LOC400499: variants seen among roughly 807,000 people sequenced by gnomAD.
chr16:11,403,110 C>T, the LOC400499 span, among the ~76,000 whole-genome samples: 1 of 152,156 alleles, frequency 6.6e-6, no homozygotes, highest in African/African-American at 2.4e-5. Flanking sequence ...CTCCTGAGGC[C>T]CCTGAGCAGC....
At chr16:11,456,297 C>A in the LOC400499 span, among the ~76,000 whole-genome samples, 9 of 152,186 alleles carry the variant, frequency 5.9e-5, no homozygotes, top group African/African-American at 2.2e-4. Context: ...CGCCCCCACA[C>A]CCAGCCTCCT....
the LOC400499 span, among the ~76,000 whole-genome samples, chr16:11,501,539 T>C: frequency 6.6e-6 from 1 of 152,010 alleles, no homozygotes; most frequent in East Asian, 1.9e-4. Context: ...AAATTTTTTG[T>C]AGAGATGGGG....
At chr16:11,487,151 T>C in the LOC400499 span, 4 of 396,818 alleles carry the variant, frequency 1.0e-5, no homozygotes, top group Admixed American at 8.8e-5. Flanking sequence ...GGGGAGGAGA[T>C]TGAACAATGG....
At chr16:11,487,006 TGGATGGAC>T in the LOC400499 span, among the ~76,000 whole-genome samples, 1 of 150,366 alleles carries the variant, frequency 6.7e-6, no homozygotes, top group Non-Finnish European at 1.5e-5. Context: ...GGGATGTGCG[TGGATGGAC>T]GGATGGACAG....
chr16:11,511,033 T>G, the LOC400499 span, among the ~76,000 whole-genome samples: 3 of 150,818 alleles, frequency 2.0e-5, no homozygotes, highest in African/African-American at 7.4e-5. Flanking sequence ...GGTCTCACTC[T>G]GTCGCCAGGC....
At chr16:11,500,150 C>T in the LOC400499 span, among the ~76,000 whole-genome samples, 1 of 152,180 alleles carries the variant, frequency 6.6e-6, no homozygotes. Context: ...AACCACTTCA[C>T]ACACAGCATT....
chr16:11,486,016 T>C, the LOC400499 span, among the ~76,000 whole-genome samples: 92 of 151,712 alleles, frequency 6.1e-4, no homozygotes, highest in African/African-American at 2.2e-3. Flanking sequence ...GATGGATGGG[T>C]GGGTGGGTGG....
At chr16:11,491,783 G>A in the LOC400499 span, 1 of 399,078 alleles carries the variant, frequency 2.5e-6, no homozygotes, top group Non-Finnish European at 4.4e-6. Flanking sequence ...GGGCCAGGTA[G>A]GCATTGATAC....
the LOC400499 span, chr16:11,392,194 G>A: frequency 7.5e-6 from 3 of 399,028 alleles, no homozygotes; most frequent in Non-Finnish European, 1.3e-5. Context: ...CTCACAATGG[G>A]GTTGTCTGCC....
the LOC400499 span, chr16:11,398,276 C>G: frequency 9.2e-6 from 11 of 1,195,272 alleles, no homozygotes; most frequent in Admixed American, 4.2e-5. Flanking sequence ...TCTGCGGGCA[C>G]CACCCTCACT....
At chr16:11,492,101 G>A in the LOC400499 span, among the ~76,000 whole-genome samples, 1 of 152,152 alleles carries the variant, frequency 6.6e-6, no homozygotes, top group African/African-American at 2.4e-5. Context: ...AAATGGGCAT[G>A]GCTACGTTCC....
the LOC400499 span, among the ~76,000 whole-genome samples, chr16:11,433,361 G>A: frequency 6.6e-6 from 1 of 152,146 alleles, no homozygotes; most frequent in Admixed American, 6.6e-5. Context: ...CCACAGCCCA[G>A]GGTCTCCTTA....
chr16:11,511,634 G>A, the LOC400499 span, among the ~76,000 whole-genome samples: 4 of 152,226 alleles, frequency 2.6e-5, no homozygotes, highest in African/African-American at 9.6e-5. Flanking sequence ...TTCCAGAACA[G>A]GAAAATTAGA....
the LOC400499 span, among the ~76,000 whole-genome samples, chr16:11,434,352 T>C: frequency 6.6e-6 from 1 of 152,120 alleles, no homozygotes; most frequent in African/African-American, 2.4e-5. Context: ...CAAGACCCCG[T>C]TCCTACAAAA....
the LOC400499 span, among the ~76,000 whole-genome samples, chr16:11,506,010 T>G: frequency 6.6e-6 from 1 of 152,104 alleles, no homozygotes; most frequent in Non-Finnish European, 1.5e-5. Context: ...ATTAGTCAGC[T>G]ATGCTAAAAC....
the LOC400499 span, among the ~76,000 whole-genome samples, chr16:11,525,930 CACTT>C: frequency 6.6e-6 from 1 of 152,224 alleles, no homozygotes; most frequent in African/African-American, 2.4e-5. Flanking sequence ...AGATCCTACT[CACTT>C]CCAGGAAGAG....
chr16:11,403,425 G>A, the LOC400499 span, among the ~76,000 whole-genome samples: 1 of 152,140 alleles, frequency 6.6e-6, no homozygotes, highest in Non-Finnish European at 1.5e-5. Flanking sequence ...ACACACACAG[G>A]CATGCACACA....
At chr16:11,437,185 C>T in the LOC400499 span, among the ~76,000 whole-genome samples, 1 of 152,106 alleles carries the variant, frequency 6.6e-6, no homozygotes, top group African/African-American at 2.4e-5. Context: ...AAAGGTAGAA[C>T]CCAGAGGATT....
chr16:11,456,749 C>T, the LOC400499 span: 1 of 1,326,396 alleles, frequency 7.5e-7, no homozygotes, highest in Non-Finnish European at 1.0e-6. Context: ...TTGAGTTAGC[C>T]TAGCCAACAA....
Sources: gnomAD v4.1 joint callset for allele counts (sites outside exome capture counted in the v4.1 genomes callset) on GRCh38, gnomAD v4.1.1 for gene constraint, MANE v1.5 for transcripts.